ZDHHC14: variants seen among roughly 807,000 people sequenced by gnomAD.
ZDHHC14 encodes the protein zDHHC palmitoyltransferase 14, also known as palmitoyltransferase ZDHHC14.
In ZDHHC14, 16 loss-of-function variants were observed where a neutral mutation model predicts 47.7. The ratio of observed to expected loss-of-function variants is 0.34; its 90% CI spans 0.23 to 0.51. ZDHHC14 has a LOEUF of 0.51. Ranked by LOEUF, ZDHHC14 falls within the 20% of genes least tolerant of loss-of-function variation. ZDHHC14 has a pLI of 0.97. For synonymous variants in ZDHHC14, 293 were observed against 278.9 expected (o/e 1.05, Z -0.50); for missense variants, 515 against 662.5 (o/e 0.78, Z 2.44).
chr6:157,542,826 G>A (rs988261478), intron 2 of ZDHHC14, 81 bp downstream of exon 2: 4 of 1,504,346 alleles, frequency 2.7e-6, no homozygotes, highest in Non-Finnish European at 2.7e-6. Context: ...GCCGAGGGCT[G>A]TGCAGGAGGA....
chr6:157,520,069 A>T (rs944417229), intron 1 of ZDHHC14, among the ~76,000 whole-genome samples: 1 of 152,188 alleles, frequency 6.6e-6, no homozygotes, highest in African/African-American at 2.4e-5. Flanking sequence ...GGATGATCCC[A>T]GGGTGCCCCC....
rs183344034 is a variant in ZDHHC14 at position 157,675,264 on chromosome 6, C to G, written c.*2142C>G. The G allele has an allele frequency of 1.3e-5, 2 of 152,230 alleles. No homozygotes were observed. Among genetic ancestry groups the G allele is most frequent in the Non-Finnish European group, 2.9e-5 (2 of 68,040 alleles). 9.4% of individuals were successfully genotyped at this position (152,230 alleles called of 1,614,324 possible). A position where few individuals can be genotyped will look rare whatever the true frequency, so the allele number is the denominator to read the frequency against. ...AAGATCATGGTCTTCAGAGGCCTCC[C>G]GCTTCTAACATTTCCTAACTCAGTG... On this transcript the variant is annotated 3_prime_UTR_variant, in exon 9 of 9. Transcript: ENST00000359775.
intron 5 of ZDHHC14, among the ~76,000 whole-genome samples, chr6:157,633,751 C>G (rs1776831750): frequency 6.6e-6 from 1 of 152,234 alleles, no homozygotes; most frequent in African/African-American, 2.4e-5. Context: ...GTGGCACGAT[C>G]TTGGCTCACT....
chr6:157,442,414 T>C (rs1203580383), intron 1 of ZDHHC14, among the ~76,000 whole-genome samples: 1 of 152,094 alleles, frequency 6.6e-6, no homozygotes, highest in African/African-American at 2.4e-5. Flanking sequence ...ACAACTTCCA[T>C]ACGCTACATT....
At chr6:157,562,189 G>T (rs892475951) in intron 2 of ZDHHC14, among the ~76,000 whole-genome samples, 1 of 152,194 alleles carries the variant, frequency 6.6e-6, no homozygotes, top group Non-Finnish European at 1.5e-5. Flanking sequence ...CAGTAGCCTG[G>T]TTGGCAACCA....
intron 8 of ZDHHC14, among the ~76,000 whole-genome samples, chr6:157,655,670 A>G (rs550337379): frequency 3.1e-4 from 47 of 152,342 alleles, no homozygotes; most frequent in Middle Eastern, 3.4e-3. Flanking sequence ...GGAGATAGAG[A>G]TACAAAGTTT....
At chr6:157,414,087 A>G (rs1777924548) in intron 1 of ZDHHC14, among the ~76,000 whole-genome samples, 1 of 152,046 alleles carries the variant, frequency 6.6e-6, no homozygotes, top group Non-Finnish European at 1.5e-5. Flanking sequence ...CAGGCATACC[A>G]TGCCCAACAA....
In ZDHHC14 at chr6:157,662,371, A is replaced by G. The variant is rs60777490; in HGVS notation, c.1068+8744A>G. Among the ~76,000 whole-genome samples, 207 of 152,258 alleles carry G rather than the reference A, an allele frequency of 1.4e-3. 1 individual carries two copies. Among genetic ancestry groups the G allele is most frequent in the African/African-American group, 4.4e-3 (182 of 41,570 alleles). Reference sequence around the variant, plus strand: ...TAATTTTTGTATTTTTAGTACAGACAGGGTTTCACCATGTTGGTCAGGCTG... The same window carrying G: ...TAATTTTTGTATTTTTAGTACAGACGGGGTTTCACCATGTTGGTCAGGCTG... On this transcript the variant is annotated intron_variant, in intron 8 of 8. Coordinates refer to ENST00000359775, the MANE Select transcript of ZDHHC14 (RefSeq NM_024630.3).
In ZDHHC14 at chr6:157,618,585, G is replaced by A. The variant is rs372617204; in HGVS notation, c.566-9764G>A. 2.0e-4 allele frequency among the ~76,000 whole-genome samples: 30 copies of A among 152,246 alleles called. No individual in the cohort carries two copies. In the East Asian group the frequency reaches 5.0e-3, roughly 26 times the overall value. On this transcript the variant is annotated intron_variant, in intron 3 of 8. Coordinates refer to ENST00000359775, the MANE Select transcript of ZDHHC14 (RefSeq NM_024630.3). ...GATCCACCCACCTCGGCCTCCCAAAGTGCTGGGATTACAGGCATGAGCCCC... is the reference window on the plus strand; with the variant it reads ...GATCCACCCACCTCGGCCTCCCAAAATGCTGGGATTACAGGCATGAGCCCC...
chr6:157,419,506 T>A (rs1376622501), intron 1 of ZDHHC14, among the ~76,000 whole-genome samples: 1 of 152,232 alleles, frequency 6.6e-6, no homozygotes, highest in Non-Finnish European at 1.5e-5. Context: ...CTAGTCTTTT[T>A]ACTGTTTCTA....
At chr6:157,603,744 T>G (rs1026578421) in intron 3 of ZDHHC14, among the ~76,000 whole-genome samples, 1 of 152,164 alleles carries the variant, frequency 6.6e-6, no homozygotes, top group Non-Finnish European at 1.5e-5. Flanking sequence ...TCAGGTCTCC[T>G]CAAATGTTTT....
At chr6:157,527,497 A>G (rs1180126795) in intron 1 of ZDHHC14, among the ~76,000 whole-genome samples, 1 of 152,202 alleles carries the variant, frequency 6.6e-6, no homozygotes, top group African/African-American at 2.4e-5. Flanking sequence ...ATGCAGCCTC[A>G]GAGTCTCCAC....
intron 2 of ZDHHC14, among the ~76,000 whole-genome samples, chr6:157,559,522 C>T (rs974079183): frequency 1.3e-5 from 2 of 152,270 alleles, no homozygotes; most frequent in Non-Finnish European, 2.9e-5. Flanking sequence ...CAAGCTGGAA[C>T]TGCCCTCAGG....
At chr6:157,630,239 C>G (rs1785621165) in intron 4 of ZDHHC14, 1 of 152,252 alleles carries the variant, frequency 6.6e-6, no homozygotes, top group African/African-American at 2.4e-5. Flanking sequence ...TTCGGCCTCC[C>G]AAAGTGCTGG....
intron 1 of ZDHHC14, among the ~76,000 whole-genome samples, chr6:157,456,564 A>G (rs897558038): frequency 6.6e-6 from 1 of 152,204 alleles, no homozygotes; most frequent in Non-Finnish European, 1.5e-5. Flanking sequence ...AACTGTCAAG[A>G]ATTGAGTAAG....
At chr6:157,398,297 G>A (rs1777564109) in intron 1 of ZDHHC14, among the ~76,000 whole-genome samples, 1 of 152,180 alleles carries the variant, frequency 6.6e-6, no homozygotes, top group Non-Finnish European at 1.5e-5. Context: ...GTCCTGGAGG[G>A]AACCTGGCAG....
chr6:157,530,139 A>G (rs778607117), intron 1 of ZDHHC14, among the ~76,000 whole-genome samples: 5 of 152,220 alleles, frequency 3.3e-5, no homozygotes, highest in East Asian at 3.8e-4. Flanking sequence ...TTTGAAAACC[A>G]TGTGTATGAA....
chr6:157,608,685 G>A (rs946980041), intron 3 of ZDHHC14, among the ~76,000 whole-genome samples: 19 of 152,164 alleles, frequency 1.2e-4, no homozygotes, highest in African/African-American at 4.1e-4. Context: ...GGGTAGGCAG[G>A]CACCTTATAA....
intron 8 of ZDHHC14, among the ~76,000 whole-genome samples, chr6:157,656,720 A>AAC (rs1554279120): frequency 2.4e-4 from 25 of 103,424 alleles, no homozygotes; most frequent in South Asian, 7.0e-4. Context: ...AAAAAAAAAC[A>AAC]AAAAAAAAAA....
Sources: gnomAD v4.1 joint callset for allele counts (sites outside exome capture counted in the v4.1 genomes callset) on GRCh38, gnomAD v4.1.1 for gene constraint, MANE v1.5 for transcripts, NCBI Gene and HGNC (gene_info 2026-07-23, HGNC 2026-07-21) for gene names.